Variants in KGD4 observed in about 807,000 individuals in gnomAD.
KGD4 encodes the protein alpha-ketoglutarate dehydrogenase subunit 4, also known as alpha-ketoglutarate dehydrogenase component 4.
At chr5:69,222,942 A>C in the KGD4 span, among the ~76,000 whole-genome samples, 2 of 143,610 alleles carry the variant, frequency 1.4e-5, no homozygotes, top group African/African-American at 2.6e-5. Context: ...CGCCCGGCTA[A>C]TTTTTTTATT....
At chr5:69,228,219 A>T in the KGD4 span, 1 of 1,571,886 alleles carries the variant, frequency 6.4e-7, no homozygotes, top group South Asian at 1.3e-5. Context: ...CTTTGAGATC[A>T]GCAGGGCTAC....
chr5:69,224,001 C>G, the KGD4 span, among the ~76,000 whole-genome samples: 1 of 148,198 alleles, frequency 6.7e-6, no homozygotes, highest in African/African-American at 2.5e-5. Context: ...GCACTGTACT[C>G]CAGTCTGAGT....
At chr5:69,226,288 T>A in the KGD4 span, 1 of 1,298,888 alleles carries the variant, frequency 7.7e-7, no homozygotes, top group Non-Finnish European at 1.1e-6. Flanking sequence ...TAGTAGATCA[T>A]TTCTTTTAGT....
the KGD4 span, among the ~76,000 whole-genome samples, chr5:69,221,251 T>C: frequency 6.6e-6 from 1 of 151,256 alleles, no homozygotes; most frequent in South Asian, 2.1e-4. Context: ...CCTGTAGTCC[T>C]AGCTACTTAG....
the KGD4 span, among the ~76,000 whole-genome samples, chr5:69,221,188 T>TAAA: frequency 1.3e-4 from 17 of 131,038 alleles, no homozygotes; most frequent in African/African-American, 3.9e-4. Flanking sequence ...CAATAAATAC[T>TAAA]AAAAAAAAAA....
the KGD4 span, among the ~76,000 whole-genome samples, chr5:69,218,490 G>GTGTGTGTGTGTA: frequency 6.6e-6 from 1 of 152,034 alleles, no homozygotes; most frequent in African/African-American, 2.4e-5. Flanking sequence ...GTGTGTGTGT[G>GTGTGTGTGTGTA]TGTGTGTGTA....
At chr5:69,225,111 T>A in the KGD4 span, among the ~76,000 whole-genome samples, 1 of 148,748 alleles carries the variant, frequency 6.7e-6, no homozygotes, top group South Asian at 2.1e-4. Context: ...AAATTTCCAG[T>A]GTTTTTTCTT....
the KGD4 span, among the ~76,000 whole-genome samples, chr5:69,221,513 A>G: frequency 2.6e-5 from 4 of 152,250 alleles, no homozygotes; most frequent in Non-Finnish European, 5.9e-5. Context: ...CAAAACGAGC[A>G]AAGGGAATAC....
the KGD4 span, chr5:69,218,104 C>G: frequency 1.6e-6 from 1 of 629,994 alleles, no homozygotes; most frequent in East Asian, 2.8e-5. Flanking sequence ...CGTGCAGCAT[C>G]TTGGCAGGTA....
the KGD4 span, among the ~76,000 whole-genome samples, chr5:69,221,007 C>G: frequency 1.3e-5 from 2 of 152,082 alleles, no homozygotes; most frequent in African/African-American, 4.8e-5. Context: ...GAGTCATCAC[C>G]ACTCCCTAAT....
chr5:69,224,686 A>C, the KGD4 span, among the ~76,000 whole-genome samples: 1 of 151,806 alleles, frequency 6.6e-6, no homozygotes, highest in Non-Finnish European at 1.5e-5. Context: ...TGTACCTAGG[A>C]GCAGGAGGCG....
At chr5:69,226,190 C>T in the KGD4 span, 8 of 610,536 alleles carry the variant, frequency 1.3e-5, no homozygotes, top group Non-Finnish European at 2.3e-5. Flanking sequence ...GTTAATAATT[C>T]ATAGACCAGC....
chr5:69,223,662 C>T, the KGD4 span, among the ~76,000 whole-genome samples: 1 of 91,566 alleles, frequency 1.1e-5, no homozygotes, highest in East Asian at 3.3e-4. Context: ...CAGAAGATTT[C>T]ATATTGACAG....
the KGD4 span, among the ~76,000 whole-genome samples, chr5:69,227,853 A>T: frequency 2.6e-5 from 4 of 152,202 alleles, no homozygotes; most frequent in Admixed American, 6.5e-5. Context: ...ACATGCCTAT[A>T]ATCCTGACTA....
At chr5:69,229,343 G>T in the KGD4 span, 3 of 817,600 alleles carry the variant, frequency 3.7e-6, no homozygotes, top group South Asian at 5.7e-5. Flanking sequence ...TGAAAAAAAT[G>T]AAATATAGAA....
At chr5:69,230,015 T>TA in the KGD4 span, 7 of 151,718 alleles carry the variant, frequency 4.6e-5, no homozygotes, top group African/African-American at 1.7e-4. Context: ...TTCTCAAACT[T>TA]AATGTCTGAG....
the KGD4 span, chr5:69,217,956 G>A: frequency 6.2e-7 from 1 of 1,607,746 alleles, no homozygotes; most frequent in Non-Finnish European, 8.5e-7. Context: ...AAAGGCGGTG[G>A]CAGAGGCAGA....
chr5:69,218,438 TAA>T, the KGD4 span, among the ~76,000 whole-genome samples: 4 of 149,768 alleles, frequency 2.7e-5, no homozygotes, highest in Middle Eastern at 3.2e-3. Flanking sequence ...AAAGTAAACT[TAA>T]GTTTAATTAG....
chr5:69,225,728 G>A, the KGD4 span, among the ~76,000 whole-genome samples: 1 of 151,692 alleles, frequency 6.6e-6, no homozygotes, highest in African/African-American at 2.4e-5. Context: ...TTACAGGCAC[G>A]CATCACCATG....
Sources: allele counts gnomAD v4.1 joint callset (sites outside exome capture counted in the v4.1 genomes callset), GRCh38; gene constraint gnomAD v4.1.1; transcripts MANE v1.5; gene names NCBI Gene and HGNC (gene_info 2026-07-23, HGNC 2026-07-21).